The following LGR6 variants were observed in gnomAD, a reference collection of about 807,000 sequenced individuals.
LGR6 encodes the protein leucine rich repeat containing G protein-coupled receptor 6, also known as leucine-rich repeat-containing G protein-coupled receptor 6.
A neutral mutation model predicts 69.4 loss-of-function variants in LGR6; 45 were observed. That is an observed-to-expected ratio of 0.65 (90% CI 0.51 to 0.83). LGR6 has a LOEUF of 0.83. Among genes scored for constraint, LGR6 ranks in the 40% least tolerant of loss-of-function variants. The pLI is 0.00. For synonymous variants in LGR6, 538 were observed against 555.0 expected (o/e 0.97, Z 0.43); for missense variants, 1,108 against 1,246.7 (o/e 0.89, Z 1.68).
intron 6 of LGR6, among the ~76,000 whole-genome samples, chr1:202,291,167 G>A (rs1666764382): frequency 6.6e-6 from 1 of 152,244 alleles, no homozygotes; most frequent in Non-Finnish European, 1.5e-5. Context: ...ATGGACAGCT[G>A]CAGCTTCCAG....
chr1:202,288,290 T>C (rs1314472999), intron 6 of LGR6, among the ~76,000 whole-genome samples: 6 of 152,148 alleles, frequency 3.9e-5, no homozygotes, highest in Non-Finnish European at 8.8e-5. Flanking sequence ...GCACTCTCCA[T>C]TTTCTACTTA....
chr1:202,294,480 T>G (rs1230440430), intron 6 of LGR6, among the ~76,000 whole-genome samples: 1 of 152,242 alleles, frequency 6.6e-6, no homozygotes, highest in East Asian at 1.9e-4. Flanking sequence ...ATTCATGAGG[T>G]TGTAGTCATC....
chr1:202,304,082 C>A (rs1163256054), intron 10 of LGR6, among the ~76,000 whole-genome samples: 2 of 152,256 alleles, frequency 1.3e-5, no homozygotes, highest in African/African-American at 4.8e-5. Context: ...TTCTTCCCTT[C>A]TATCCCATCT....
intron 6 of LGR6, among the ~76,000 whole-genome samples, chr1:202,295,749 C>T (rs146216812): frequency 6.3e-4 from 96 of 152,272 alleles, no homozygotes; most frequent in African/African-American, 2.1e-3. Flanking sequence ...CAAGGTTTGA[C>T]GCATGAGAGG....
intron 1 of LGR6, among the ~76,000 whole-genome samples, chr1:202,224,476 T>C (rs1057504668): frequency 1.3e-5 from 2 of 152,078 alleles, no homozygotes. Context: ...GTCTTCCAGG[T>C]GGACTAAGAC....
chr1:202,202,445 C>A (rs1316751126), intron 1 of LGR6, among the ~76,000 whole-genome samples: 1 of 152,190 alleles, frequency 6.6e-6, no homozygotes, highest in Non-Finnish European at 1.5e-5. Flanking sequence ...CATCTGGGCA[C>A]ACACCTGGAA....
intron 1 of LGR6, among the ~76,000 whole-genome samples, chr1:202,217,025 G>C (rs1273963630): frequency 6.6e-6 from 1 of 152,206 alleles, no homozygotes; most frequent in South Asian, 2.1e-4. Context: ...GGCCACTCCA[G>C]CTTCACAGCT....
chr1:202,202,519 C>G (rs891027878), intron 1 of LGR6, among the ~76,000 whole-genome samples: 11 of 152,208 alleles, frequency 7.2e-5, no homozygotes, highest in Non-Finnish European at 1.6e-4. Context: ...AGGCTAAGTT[C>G]CAGCTCTAAC....
At chr1:202,271,514 A>G (rs1169546002) in intron 4 of LGR6, among the ~76,000 whole-genome samples, 5 of 152,012 alleles carry the variant, frequency 3.3e-5, no homozygotes, top group Non-Finnish European at 7.4e-5. Context: ...CCAACCAGAA[A>G]ATACAGGGGA....
chr1:202,261,790 A>T (rs1268063128), intron 4 of LGR6, among the ~76,000 whole-genome samples: 1 of 152,158 alleles, frequency 6.6e-6, no homozygotes, highest in Non-Finnish European at 1.5e-5. Context: ...CTGGTGTGAG[A>T]TAGTATCTCA....
intron 1 of LGR6, among the ~76,000 whole-genome samples, chr1:202,204,245 C>T (rs1023579759): frequency 5.1e-5 from 7 of 136,506 alleles, no homozygotes; most frequent in Non-Finnish European, 9.5e-5. Context: ...ACACACACAC[C>T]TCCACACACA....
At chr1:202,283,754 A>G (rs939540487) in intron 6 of LGR6, among the ~76,000 whole-genome samples, 1 of 152,228 alleles carries the variant, frequency 6.6e-6, no homozygotes. Context: ...TTCAAGCCCT[A>G]CATGACCCTC....
chr1:202,277,951 G>A (rs1010093960), intron 5 of LGR6, among the ~76,000 whole-genome samples: 11 of 151,834 alleles, frequency 7.2e-5, no homozygotes, highest in African/African-American at 2.4e-4. Context: ...GAGAGTAAGC[G>A]TGTTTGGCTG....
chr1:202,278,206 C>G (rs1665735336), intron 5 of LGR6, among the ~76,000 whole-genome samples: 1 of 152,050 alleles, frequency 6.6e-6, no homozygotes, highest in African/African-American at 2.4e-5. Flanking sequence ...TTCAGAGGTT[C>G]TTGGTATCAA....
Position 202,197,906 on chromosome 1 carries a change from GGT to G in LGR6, c.212+3708_212+3709del, listed in dbSNP as rs536090759. On this transcript the variant is annotated intron_variant, in intron 1 of 17. Transcript: ENST00000367278. ...TCAGTAAACAGATGGTGCCAGAAAA[GGT>G]GTCTCACGCAGCTAGTTGTAAAAGA... Among the ~76,000 whole-genome samples, 324 of 152,258 alleles carry G rather than the reference GGT, an allele frequency of 2.1e-3. 2 individuals carry two copies. Among genetic ancestry groups the G allele is most frequent in the Non-Finnish European group, 2.7e-3 (181 of 68,020 alleles).
At position 202,309,001 on chromosome 1, in the gene LGR6, C is replaced by G. The variant is rs199919977; in HGVS notation, c.1281-50C>G. 6,408 of 1,607,974 alleles carry G rather than the reference C, an allele frequency of 4.0e-3. 11 individuals carry two copies. Among genetic ancestry groups the G allele is most frequent in the Non-Finnish European group, 5.0e-3 (5,869 of 1,177,574 alleles). On this transcript the variant is annotated intron_variant, in intron 14 of 17. Coordinates refer to ENST00000367278, the MANE Select transcript of LGR6 (RefSeq NM_001017403.2). ...CCACATTCTCAGCACAGCCCTGCCC[C>G]CTCAGCAATCCCACTGACTGCCAAT... is the stretch of plus-strand genomic sequence containing the variant.
chr1:202,267,873 C>A (rs530663153), intron 4 of LGR6, among the ~76,000 whole-genome samples: 2 of 152,204 alleles, frequency 1.3e-5, no homozygotes, highest in South Asian at 4.2e-4. Context: ...TTAATCCAAT[C>A]CTATTGAATT....
At chr1:202,204,370 ACCT>A (rs758192031) in intron 1 of LGR6, among the ~76,000 whole-genome samples, 6,801 of 102,868 alleles carry the variant, frequency 0.066, 338 homozygotes, top group Non-Finnish European at 0.09. Context: ...ACACACACAC[ACCT>A]CCACACACAC....
intron 1 of LGR6, among the ~76,000 whole-genome samples, chr1:202,223,774 C>T (rs1162309870): frequency 6.6e-6 from 1 of 150,730 alleles, no homozygotes; most frequent in African/African-American, 2.4e-5. Flanking sequence ...GGTACCAACT[C>T]CTCTCTACTA....
Sources: gnomAD v4.1 joint callset for allele counts (sites outside exome capture counted in the v4.1 genomes callset) on GRCh38, gnomAD v4.1.1 for gene constraint, MANE v1.5 for transcripts, NCBI Gene and HGNC (gene_info 2026-07-23, HGNC 2026-07-21) for gene names.